Variants in ACTL8 observed in about 807,000 individuals in gnomAD.
ACTL8 encodes the protein actin like 8.
ACTL8 carries 3 observed loss-of-function variants against 9.3 expected under a neutral mutation model. That is an observed-to-expected ratio of 0.32 (90% CI 0.15 to 0.83). ACTL8 has a LOEUF of 0.83. Among genes scored for constraint, ACTL8 ranks in the 40% least tolerant of loss-of-function variants. The pLI is 0.57. For synonymous variants in ACTL8, 224 were observed against 205.9 expected (o/e 1.09, Z -0.75); for missense variants, 381 against 492.2 (o/e 0.77, Z 2.14).
At chr1:17,804,317 C>T (rs2066342886) in intron 1 of ACTL8, among the ~76,000 whole-genome samples, 1 of 152,182 alleles carries the variant, frequency 6.6e-6, no homozygotes, top group South Asian at 2.1e-4. Flanking sequence ...AGCCTCTTTC[C>T]CAGAAGCCCT....
intron 1 of ACTL8, among the ~76,000 whole-genome samples, chr1:17,787,880 G>C (rs758628310): frequency 1.3e-4 from 20 of 152,330 alleles, no homozygotes; most frequent in Non-Finnish European, 2.5e-4. Context: ...TAATTTGAGA[G>C]AGGTCGTTTT....
At chr1:17,791,941 T>G (rs761876871) in intron 1 of ACTL8, among the ~76,000 whole-genome samples, 3 of 152,218 alleles carry the variant, frequency 2.0e-5, no homozygotes, top group Admixed American at 2.0e-4. Flanking sequence ...CCTGCCACCA[T>G]CTCTTTGCTA....
chr1:17,772,653 G>A (rs1310011691), intron 1 of ACTL8, among the ~76,000 whole-genome samples: 1 of 152,176 alleles, frequency 6.6e-6, no homozygotes, highest in Non-Finnish European at 1.5e-5. Flanking sequence ...AGGTTGGGGG[G>A]CTCCCTTTTG....
At chr1:17,794,093 A>G (rs1357943169) in intron 1 of ACTL8, among the ~76,000 whole-genome samples, 2 of 152,128 alleles carry the variant, frequency 1.3e-5, no homozygotes, top group Admixed American at 1.3e-4. Flanking sequence ...ACGCCTCACA[A>G]TCACCCTGTT....
At chr1:17,798,616 A>G (rs1260601716) in intron 1 of ACTL8, among the ~76,000 whole-genome samples, 2 of 152,226 alleles carry the variant, frequency 1.3e-5, no homozygotes, top group East Asian at 3.8e-4. Context: ...ATTGAGATGC[A>G]TGAGATTGAC....
At chr1:17,775,195 C>T (rs906062678) in intron 1 of ACTL8, among the ~76,000 whole-genome samples, 1 of 152,160 alleles carries the variant, frequency 6.6e-6, no homozygotes, top group Non-Finnish European at 1.5e-5. Context: ...AGGGGTTGGC[C>T]TGAGTTCACC....
Position 17,791,678 on chromosome 1 carries a change from G to A in ACTL8, c.-24-31307G>A, listed in dbSNP as rs1050462405. On this transcript the variant is annotated intron_variant, in intron 1 of 2. Coordinates refer to ENST00000375406, the MANE Select transcript of ACTL8 (RefSeq NM_030812.3). ...TCAAGCCGCCCTGCGAGTGGGCACC[G>A]GGCCATGGGCACCAGGCCCCGAAGC... is the stretch of plus-strand genomic sequence containing the variant. Among the ~76,000 whole-genome samples the A allele has an allele frequency of 3.9e-5, 6 of 152,196 alleles. No homozygotes were observed. The East Asian group carries it at 5.8e-4, about 15-fold the overall frequency.
At chr1:17,780,593 A>G (rs1420464968) in intron 1 of ACTL8, among the ~76,000 whole-genome samples, 1 of 152,030 alleles carries the variant, frequency 6.6e-6, no homozygotes, top group Non-Finnish European at 1.5e-5. Context: ...GTTCGAAGTA[A>G]TGTAATTTTT....
rs4920389 is a variant in ACTL8, at chr1:17,823,462, A to G, written c.348+106A>G. 1 of 1,143,036 alleles carries G rather than the reference A, an allele frequency of 8.7e-7. No individual in the cohort carries two copies. The highest frequency in any genetic ancestry group is 1.2e-6 in the Non-Finnish European group (1 of 823,526). 70.8% of individuals were successfully genotyped at this position (1,143,036 alleles called of 1,614,324 possible). ...TTCTGCTTTTTAAGATAAATTGCCAACCAGGTGTGGTGGCTTATGCCTGTA... is the reference window on the plus strand; with the variant it reads ...TTCTGCTTTTTAAGATAAATTGCCAGCCAGGTGTGGTGGCTTATGCCTGTA... On this transcript the variant is annotated intron_variant, in intron 2 of 2. Transcript: ENST00000375406. The surrounding 1 kb of genome is among the most constrained non-coding windows in gnomAD (Gnocchi z 5.3).
chr1:17,787,431 A>G (rs536570465), intron 1 of ACTL8, among the ~76,000 whole-genome samples: 45 of 151,730 alleles, frequency 3.0e-4, no homozygotes, highest in Non-Finnish European at 4.4e-4. Flanking sequence ...GCCCAGCTAA[A>G]TTTTTTTCTG....
intron 1 of ACTL8, among the ~76,000 whole-genome samples, chr1:17,816,286 C>T (rs1282400513): frequency 6.6e-6 from 1 of 150,700 alleles, no homozygotes; most frequent in Non-Finnish European, 1.5e-5. Flanking sequence ...TCTGCAAACT[C>T]CGCCTCCTGG....
At chr1:17,798,685 T>C (rs1570026357) in intron 1 of ACTL8, among the ~76,000 whole-genome samples, 1 of 152,222 alleles carries the variant, frequency 6.6e-6, no homozygotes, top group South Asian at 2.1e-4. Context: ...AAAATCTATC[T>C]TTGTTCCCCC....
chr1:17,769,405 T>C (rs72927137), intron 1 of ACTL8, among the ~76,000 whole-genome samples: 2,571 of 152,282 alleles, frequency 0.017, 70 homozygotes, highest in African/African-American at 0.058. Context: ...AAAAATCTAA[T>C]TTTCACCTTA....
chr1:17,812,771 G>A (rs1203953545), intron 1 of ACTL8, among the ~76,000 whole-genome samples: 2 of 152,038 alleles, frequency 1.3e-5, no homozygotes, highest in African/African-American at 2.4e-5. Context: ...GGGATTACAG[G>A]CCTGAGCCAC....
chr1:17,818,537 T>TAC (rs2066444302), intron 1 of ACTL8, among the ~76,000 whole-genome samples: 1 of 152,258 alleles, frequency 6.6e-6, no homozygotes, highest in African/African-American at 2.4e-5. Context: ...GTGTCCTTGC[T>TAC]ACACAGGCCT....
At chr1:17,792,695 G>T (rs572847241) in intron 1 of ACTL8, among the ~76,000 whole-genome samples, 1 of 152,202 alleles carries the variant, frequency 6.6e-6, no homozygotes. Flanking sequence ...CTTGGAGATC[G>T]TGAGGCTCTT....
intron 1 of ACTL8, among the ~76,000 whole-genome samples, chr1:17,781,579 G>A (rs927488169): frequency 1.3e-5 from 2 of 152,138 alleles, no homozygotes; most frequent in African/African-American, 4.8e-5. Flanking sequence ...TTAGGGCCCA[G>A]CCTAAATCCA....
At chr1:17,824,517 G>A (rs1275432881) in intron 2 of ACTL8, among the ~76,000 whole-genome samples, 1 of 152,188 alleles carries the variant, frequency 6.6e-6, no homozygotes, top group East Asian at 1.9e-4. Context: ...CATACATCAA[G>A]TTAAAGGCTA....
At position 17,826,487 on chromosome 1, in the gene ACTL8, C is replaced by T. The variant is rs929124190; in HGVS notation, c.1069C>T (p.Arg357Ter). The T allele has an allele frequency of 4.2e-5, 68 of 1,600,524 alleles. No homozygotes were observed. Among genetic ancestry groups the T allele is most frequent in the Non-Finnish European group, 5.1e-5 (60 of 1,172,094 alleles). The change falls in exon 3 of 3, where the codon CGA becomes TGA. Residue 357 changes from arginine to a stop codon, truncating the protein, a stop_gained. Coordinates refer to ENST00000375406, the MANE Select transcript of ACTL8 (RefSeq NM_030812.3). LOFTEE classifies it high-confidence loss of function. This position sits in a 1 kb window ranked among gnomAD's most constrained non-coding sequence, Gnocchi z 4.5. Reference sequence around the variant, plus strand: ...TACCTACCAGTCTGAGTGGATGTCCCGAGAGGAGTATGGTGAGCATATGAG... The same window carrying T: ...TACCTACCAGTCTGAGTGGATGTCCTGAGAGGAGTATGGTGAGCATATGAG... ...LSTYQSEWMS[R>*]EEYGEHMRM
Sources: allele counts gnomAD v4.1 joint callset (sites outside exome capture counted in the v4.1 genomes callset), GRCh38; gene constraint gnomAD v4.1.1; non-coding constraint Gnocchi (gnomAD v3.1); transcripts MANE v1.5; gene names NCBI Gene and HGNC (gene_info 2026-07-23, HGNC 2026-07-21).